The following RBFOX1 variants were observed in gnomAD, a reference collection of about 807,000 sequenced individuals.
RBFOX1 encodes RNA binding protein fox-1 homolog 1.
Under a neutral mutation model 57.7 loss-of-function variants are expected in RBFOX1, and 8 were observed. The observed-to-expected ratio is 0.14, with a 90% confidence interval of 0.08 to 0.25. RBFOX1 has a LOEUF of 0.25. Ranked by LOEUF, RBFOX1 falls within the 10% of genes least tolerant of loss-of-function variation. The probability of loss-of-function intolerance (pLI) is 1.00; values close to 1 mark genes in which losing one functional copy is unlikely to be tolerated. For missense variants in RBFOX1, 611 were observed against 548.5 expected (o/e 1.11, Z -1.14); for synonymous variants, 326 against 222.4 (o/e 1.47, Z -4.15).
chr16:6,254,888 T>G (rs2097650603), intron 1 of RBFOX1, among the ~76,000 whole-genome samples: 1 of 152,124 alleles, frequency 6.6e-6, no homozygotes, highest in Admixed American at 6.6e-5. Context: ...TTTTCTTGGC[T>G]TTCCCCCCAT....
At chr16:7,687,173 A>T in intron 14 of RBFOX1, among the ~76,000 whole-genome samples, 1 of 152,086 alleles carries the variant, frequency 6.6e-6, no homozygotes, top group Admixed American at 6.6e-5. Context: ...AATTTGCCAC[A>T]GTGTATTGAA....
chr16:7,149,483 CTTTT>C (rs60001454), intron 4 of RBFOX1, among the ~76,000 whole-genome samples: 41 of 122,238 alleles, frequency 3.4e-4, no homozygotes, highest in South Asian at 1.6e-3. Context: ...TCTTTCTTTC[CTTTT>C]TTTTTTTTTT....
At chr16:7,676,634 G>A (rs1172231896) in intron 13 of RBFOX1, 140 bp from the exon 14 acceptor site, 11 of 691,172 alleles carry the variant, frequency 1.6e-5, no homozygotes, top group Middle Eastern at 4.1e-4. Flanking sequence ...TTGTATTTTC[G>A]CTTTGATACT....
At chr16:5,284,991 T>A (rs1028049809) in intron 1 of RBFOX1, among the ~76,000 whole-genome samples, 3 of 152,038 alleles carry the variant, frequency 2.0e-5, no homozygotes. Context: ...TTCCTGTATT[T>A]GGATCTATAT....
chr16:7,470,790 G>A (rs1330178580), intron 4 of RBFOX1, among the ~76,000 whole-genome samples: 1 of 152,122 alleles, frequency 6.6e-6, no homozygotes, highest in Non-Finnish European at 1.5e-5. Flanking sequence ...TGATCTCACT[G>A]GGGTGGTCAT....
At chr16:7,441,521 C>G (rs1036383148) in intron 4 of RBFOX1, among the ~76,000 whole-genome samples, 1 of 152,104 alleles carries the variant, frequency 6.6e-6, no homozygotes, top group Non-Finnish European at 1.5e-5. Flanking sequence ...TGTTTCTCTC[C>G]TACTATAATA....
intron 1 of RBFOX1, among the ~76,000 whole-genome samples, chr16:6,203,272 C>T (rs2097228406): frequency 6.6e-6 from 1 of 152,288 alleles, no homozygotes; most frequent in South Asian, 2.1e-4. Flanking sequence ...CAACCCATGG[C>T]AACCACGGTT....
At chr16:6,392,942 A>G (rs769684986) in intron 2 of RBFOX1, among the ~76,000 whole-genome samples, 1 of 152,220 alleles carries the variant, frequency 6.6e-6, no homozygotes, top group Non-Finnish European at 1.5e-5. Flanking sequence ...TGAATGAACA[A>G]TGGACTGAAG....
intron 2 of RBFOX1, among the ~76,000 whole-genome samples, chr16:6,518,797 G>GTCTGTCTATCTGTCTATCTA (rs1278136972): frequency 9.6e-6 from 1 of 103,980 alleles, no homozygotes; most frequent in African/African-American, 3.5e-5. Context: ...CTGTGTGTCT[G>GTCTGTCTATCTGTCTATCTA]TCTATCTATC....
At chr16:6,985,967 T>A (rs925666872) in intron 3 of RBFOX1, among the ~76,000 whole-genome samples, 3 of 151,586 alleles carry the variant, frequency 2.0e-5, no homozygotes, top group African/African-American at 7.3e-5. Context: ...TAAGGCACTT[T>A]CCAAACTTAC....
intron 1 of RBFOX1, among the ~76,000 whole-genome samples, chr16:5,391,998 T>C (rs920992070): frequency 1.3e-5 from 2 of 151,996 alleles, no homozygotes; most frequent in African/African-American, 4.8e-5. Context: ...TGGATGGAAT[T>C]TGAGACATTA....
At chr16:6,377,247 C>G (rs1342400694) in intron 2 of RBFOX1, among the ~76,000 whole-genome samples, 1 of 143,660 alleles carries the variant, frequency 7.0e-6, no homozygotes, top group Admixed American at 7.1e-5. Flanking sequence ...GCACTCCATC[C>G]TGAGTGACAG....
chr16:6,809,512 C>G lies in RBFOX1; in HGVS notation c.-16+154862C>G, dbSNP rs566367931. ...CTACATTGAAGAGCTGTCATTCACC[C>G]CAGGAGGCAGTGTGGAATAAGTTTC... On this transcript the variant is annotated intron_variant, in intron 3 of 15. Coordinates refer to ENST00000550418, the MANE Select transcript of RBFOX1 (RefSeq NM_018723.4). Among the ~76,000 whole-genome samples, 52 of 152,158 alleles carry G rather than the reference C, an allele frequency of 3.4e-4. 1 individual carries two copies. The highest frequency in any genetic ancestry group is 5.9e-4 in the Non-Finnish European group (40 of 68,018).
chr16:7,307,682 T>A (rs1334207151), intron 4 of RBFOX1, among the ~76,000 whole-genome samples: 1 of 152,216 alleles, frequency 6.6e-6, no homozygotes, highest in Non-Finnish European at 1.5e-5. Flanking sequence ...TTTTTTGGCG[T>A]CTAGATATCA....
At chr16:6,779,963 T>A (rs867460152) in intron 3 of RBFOX1, among the ~76,000 whole-genome samples, 13 of 11,464 alleles carry the variant, frequency 1.1e-3, no homozygotes, top group African/African-American at 1.5e-3. Flanking sequence ...ATTTATATAT[T>A]TATATATATT....
chr16:5,363,081 T>G (rs1440071453), intron 1 of RBFOX1, among the ~76,000 whole-genome samples: 2 of 145,980 alleles, frequency 1.4e-5, no homozygotes, highest in Non-Finnish European at 1.5e-5. Context: ...TCACCTAGGC[T>G]GGAGCGCAGT....
chr16:6,630,938 G>A (rs1181935613), intron 2 of RBFOX1, among the ~76,000 whole-genome samples: 1 of 152,068 alleles, frequency 6.6e-6, no homozygotes, highest in Non-Finnish European at 1.5e-5. Context: ...TTAAAAAAAT[G>A]TTTTAAAGTA....
At chr16:5,726,788 T>C (rs1163575090) in intron 3 of RBFOX1, among the ~76,000 whole-genome samples, 1 of 152,242 alleles carries the variant, frequency 6.6e-6, no homozygotes, top group East Asian at 1.9e-4. Flanking sequence ...GTTCGCTACA[T>C]GCCACTGTGC....
intron 3 of RBFOX1, among the ~76,000 whole-genome samples, chr16:6,896,634 C>T (rs34268805): frequency 1.3e-5 from 2 of 152,152 alleles, no homozygotes; most frequent in African/African-American, 4.8e-5. Flanking sequence ...GACGGTATTT[C>T]AAACGCACTT....
Sources: allele counts gnomAD v4.1 joint callset (sites outside exome capture counted in the v4.1 genomes callset), GRCh38; gene constraint gnomAD v4.1.1; transcripts MANE v1.5; gene names NCBI Gene and HGNC (gene_info 2026-07-23, HGNC 2026-07-21).